The following ASAH2 variants were observed in gnomAD, a reference collection of about 807,000 sequenced individuals.
The protein encoded by ASAH2 is N-acylsphingosine amidohydrolase 2.
Under a neutral mutation model 82.9 loss-of-function variants are expected in ASAH2, and 58 were observed. The ratio of observed to expected loss-of-function variants is 0.70; its 90% confidence interval spans 0.57 to 0.87. ASAH2 has a LOEUF of 0.87. Ranked by LOEUF, ASAH2 falls within the 40% of genes least tolerant of loss-of-function variation. The pLI, the probability that ASAH2 is intolerant of heterozygous loss-of-function variation, is 0.00. For synonymous variants in ASAH2, 276 were observed against 289.7 expected (o/e 0.95, Z 0.48); for missense variants, 779 against 834.0 (o/e 0.93, Z 0.81).
At chr10:50,245,513 A>C in intron 2 of ASAH2, 59 bp from the exon 3 acceptor site, 1 of 1,444,640 alleles carries the variant, frequency 6.9e-7, no homozygotes, top group Non-Finnish European at 9.5e-7. Context: ...TGTCAACATC[A>C]ATTAGAACAC....
intron 9 of ASAH2, among the ~76,000 whole-genome samples, chr10:50,214,262 C>T (rs1260271952): frequency 1.3e-5 from 2 of 152,220 alleles, no homozygotes; most frequent in East Asian, 3.9e-4. Context: ...CGAAGAGGGA[C>T]TTTCACTTTT....
intron 14 of ASAH2, 42 bp downstream of exon 14, chr10:50,204,819 A>C: frequency 7.0e-7 from 1 of 1,420,286 alleles, no homozygotes; most frequent in Non-Finnish European, 9.8e-7. Flanking sequence ...CAGAACATAC[A>C]ACAAACACAT....
At chr10:50,217,364 A>C (rs1370644202) in intron 8 of ASAH2, among the ~76,000 whole-genome samples, 3 of 151,484 alleles carry the variant, frequency 2.0e-5, no homozygotes, top group Non-Finnish European at 4.4e-5. Flanking sequence ...AGTAGCTGGG[A>C]CTATAGGCAC....
At chr10:50,216,075 A>G (rs970698079) in intron 8 of ASAH2, among the ~76,000 whole-genome samples, 5 of 145,786 alleles carry the variant, frequency 3.4e-5, no homozygotes, top group Non-Finnish European at 6.0e-5. Context: ...AAAACCAAAC[A>G]CCACATGTTC....
Position 50,204,854 on chromosome 10 carries a change from AACTT to A in ASAH2, c.1625+3_1625+6del. ...TTTTTAACTAAGTAATAAAAAGAAA[AACTT>A]ACGTAAACTCCCCGGGGATGGCAGT... On this transcript the variant is annotated splice_donor_5th_base_variant and intron_variant, in intron 14 of 20. Transcript: ENST00000682911. The A allele has an allele frequency of 1.9e-6, 3 of 1,593,550 alleles. No individual in the cohort carries two copies. The highest frequency in any genetic ancestry group is 2.6e-6 in the Non-Finnish European group (3 of 1,164,170).
chr10:50,248,590 A>G lies in ASAH2; in HGVS notation c.21T>C (p.Ser7=). ...GGAAAATCAGGAATGTCTCCAAGTT[A>G]GAGAAGGTGCGTTTGGCCATTTCTT... MAKRTF[S]NLETFLIFLL... is the part of the protein sequence containing the mutation. Residue 7 remains serine (S), a synonymous_variant, in exon 2 of 21, where the codon TCT becomes TCC. Coordinates refer to ENST00000682911, the MANE Select transcript of ASAH2 (RefSeq NM_019893.4). The G allele has an allele frequency of 6.2e-7, 1 of 1,613,788 alleles. No individual in the cohort carries two copies. The highest frequency in any genetic ancestry group is 8.5e-7 in the Non-Finnish European group (1 of 1,179,720).
Position 50,236,071 on chromosome 10 carries a change from G to GA in ASAH2, c.511-8dup. The GA allele has an allele frequency of 6.2e-7, 1 of 1,611,894 alleles. No individual in the cohort carries two copies. The highest frequency in any genetic ancestry group is 2.2e-5 in the East Asian group (1 of 44,854). ...TCTGCAGTCTGTTCAGGACCTTCAA[G>GA]AAAAAAAGTAATTGAACTAAGAAGA... is the stretch of plus-strand genomic sequence containing the variant. On this transcript the variant is annotated splice_region_variant and splice_polypyrimidine_tract_variant and intron_variant, in intron 4 of 20. Transcript: ENST00000682911.
intron 16 of ASAH2, 35 bp from the exon 17 acceptor site, chr10:50,199,181 T>C: frequency 6.2e-7 from 1 of 1,609,368 alleles, no homozygotes; most frequent in Non-Finnish European, 8.5e-7. Context: ...TATATGGTTC[T>C]GCTTATTTAA....
intron 12 of ASAH2, among the ~76,000 whole-genome samples, chr10:50,209,488 T>C (rs1246919273): frequency 6.6e-6 from 1 of 152,140 alleles, no homozygotes; most frequent in Non-Finnish European, 1.5e-5. Context: ...TAGCTGGGAC[T>C]ACAGGCGTGC....
intron 7 of ASAH2, among the ~76,000 whole-genome samples, chr10:50,232,456 C>T (rs1290722314): frequency 6.6e-6 from 1 of 152,078 alleles, no homozygotes; most frequent in African/African-American, 2.4e-5. Flanking sequence ...TGGTACTTCC[C>T]TAGGGCATGT....
Position 50,218,680 on chromosome 10 carries a change from G to A in ASAH2, c.894-50C>T, listed in dbSNP as rs563268987. 2.4e-4 allele frequency: 379 copies of A among 1,611,574 alleles called. 2 individuals carry two copies. The South Asian group carries it at 4.0e-3, about 17-fold the overall frequency. On this transcript the variant is annotated intron_variant, in intron 7 of 20. Coordinates refer to ENST00000682911, the MANE Select transcript of ASAH2 (RefSeq NM_019893.4). ...ATTAATCAGGAGAACGAGAGAACTG[G>A]GGCCAAGAACTATGACTGGGAGCTT...
intron 10 of ASAH2, 56 bp from the exon 11 acceptor site, chr10:50,211,190 A>C: frequency 1.3e-5 from 16 of 1,195,946 alleles, no homozygotes; most frequent in Non-Finnish European, 1.9e-5. Context: ...GATCATCTCC[A>C]ACTGTACTCA....
Position 50,204,881 on chromosome 10 carries a change from A to C in ASAH2, c.1605T>G (p.Thr535=). 1.2e-6 allele frequency: 2 copies of C among 1,611,378 alleles called. No individual in the cohort carries two copies. Among genetic ancestry groups the C allele is most frequent in the Non-Finnish European group, 1.7e-6 (2 of 1,178,376 alleles). The change falls in exon 14 of 21, where the codon ACT becomes ACG. Residue 535 remains threonine (T), a synonymous_variant. Coordinates refer to ENST00000682911, the MANE Select transcript of ASAH2 (RefSeq NM_019893.4). The part of the protein sequence containing the change: ...QIITLGSLAI[T]AIPGEFTTMS... ...CTTACGTAAACTCCCCGGGGATGGC[A>C]GTTATGGCCAAGGACCCAAGGGTAA...
At chr10:50,219,692 T>G (rs1845693712) in intron 7 of ASAH2, among the ~76,000 whole-genome samples, 1 of 152,264 alleles carries the variant, frequency 6.6e-6, no homozygotes, top group Non-Finnish European at 1.5e-5. Flanking sequence ...ATTTAATGGC[T>G]AGAAAGGGAT....
chr10:50,215,346 T>C (rs1845566516), intron 8 of ASAH2, among the ~76,000 whole-genome samples: 1 of 151,896 alleles, frequency 6.6e-6, no homozygotes, highest in Non-Finnish European at 1.5e-5. Context: ...CTATTGCTTT[T>C]GGTGTTTTAG....
In ASAH2 at chr10:50,185,122, T is replaced by C. The variant is rs1308869061; in HGVS notation, c.*2193A>G. On this transcript the variant is annotated 3_prime_UTR_variant, in exon 21 of 21. Coordinates refer to ENST00000682911, the MANE Select transcript of ASAH2 (RefSeq NM_019893.4). ...ACTTTTTCCACCAATTTCAGGAGTT[T>C]CTGCCACATGGTTTGGCTCCAGTGA... 6.6e-6 allele frequency: 1 copy of C among 151,218 alleles called. No homozygotes were observed. Among genetic ancestry groups the C allele is most frequent in the South Asian group, 2.1e-4 (1 of 4,824 alleles). The allele number at this position is 151,218 out of a possible 1,614,324, so 9.4% of individuals were successfully genotyped here.
chr10:50,195,441 T>A (rs1255023852), intron 18 of ASAH2, among the ~76,000 whole-genome samples: 2 of 150,600 alleles, frequency 1.3e-5, no homozygotes, highest in African/African-American at 4.9e-5. Flanking sequence ...ACACTGTTCA[T>A]GACAATGTGA....
intron 12 of ASAH2, among the ~76,000 whole-genome samples, chr10:50,210,551 TA>T (rs1845425587): frequency 6.6e-6 from 1 of 151,962 alleles, no homozygotes; most frequent in African/African-American, 2.4e-5. Context: ...AAGATGATGC[TA>T]AGTGAAAGAA....
rs1163788386 is a variant in ASAH2 at position 50,199,123 on chromosome 10, C to T, written c.1785G>A (p.Ser595=). The T allele has an allele frequency of 3.2e-5, 52 of 1,613,176 alleles. No homozygotes were observed. The highest frequency in any genetic ancestry group is 1.7e-4 in the Middle Eastern group (1 of 6,050). The change falls in exon 17 of 21, where the codon TCG becomes TCA. Residue 595 remains serine, a synonymous_variant. Transcript: ENST00000682911. ...ATAATGTGTGCGGTCCATAAATTGT[C>T]GATGCTGCCTCATATCGCTGAGCCT... is the stretch of plus-strand genomic sequence containing the variant. ...EYQAQRYEAA[S]TIYGPHTLSA...
Sources: allele counts gnomAD v4.1 joint callset (sites outside exome capture counted in the v4.1 genomes callset), GRCh38; gene constraint gnomAD v4.1.1; transcripts MANE v1.5; gene names NCBI Gene and HGNC (gene_info 2026-07-23, HGNC 2026-07-21).